The following TMEM217 variants were observed in gnomAD, a reference collection of about 807,000 sequenced individuals.
TMEM217 encodes transmembrane protein 217, also known as chromosome 6 open reading frame 128.
For missense variants in TMEM217, 204 were observed against 248.8 expected, an observed-to-expected ratio of 0.82 and a Z score of 1.21; for synonymous variants, 76 against 88.3, an observed-to-expected ratio of 0.86 and a Z score of 0.78.
At chr6:37,222,117 T>TA (rs1387800904) in intron 1 of TMEM217, among the ~76,000 whole-genome samples, 1 of 152,198 alleles carries the variant, frequency 6.6e-6, no homozygotes, top group Non-Finnish European at 1.5e-5. Flanking sequence ...AGCCCAGGTC[T>TA]TTTATGGACC....
At chr6:37,214,359 C>T (rs1431801690), downstream of TMEM217, among the ~76,000 whole-genome samples, 1 of 152,088 alleles carries the variant, frequency 6.6e-6, no homozygotes, top group Non-Finnish European at 1.5e-5. Flanking sequence ...TCCCAAGTAG[C>T]TGGGATTACA....
In TMEM217 at chr6:37,223,832, T is replaced by G. The variant is rs79290335; in HGVS notation, c.-11-4791A>C. Among the ~76,000 whole-genome samples the G allele has an allele frequency of 7.4e-3, 1,121 of 151,500 alleles. 14 individuals are homozygous for G. The highest frequency in any genetic ancestry group is 0.011 in the Non-Finnish European group (772 of 67,798). ...CCATTTTTCTTATTTATATATTTAT[T>G]TATAGAGATGGAGTCTTGCTGTGTT... On this transcript the variant is annotated intron_variant, in intron 1 of 1. Coordinates refer to ENST00000357219, the Ensembl canonical transcript of TMEM217.
At chr6:37,225,353 C>T (rs145826795) in intron 1 of TMEM217, among the ~76,000 whole-genome samples, 636 of 151,974 alleles carry the variant, frequency 4.2e-3, no homozygotes, top group African/African-American at 0.014. Context: ...ATGAGAGATT[C>T]ACAAGTGTTC....
At chr6:37,240,380 C>T (rs1043923311) in intron 1 of TMEM217, among the ~76,000 whole-genome samples, 1 of 152,206 alleles carries the variant, frequency 6.6e-6, no homozygotes, top group Non-Finnish European at 1.5e-5. Flanking sequence ...CAGGAAGCCA[C>T]AGTTCTTTCT....
exon 2 of TMEM217, chr6:37,218,987 G>A (rs1275383660): frequency 1.9e-6 from 3 of 1,614,028 alleles, no homozygotes; most frequent in Non-Finnish European, 2.5e-6. Flanking sequence ...TGACAACACG[G>A]TGCCCATTTT....
In TMEM217 at chr6:37,229,334, A is replaced by AGTTTTTT. The variant is rs1764038910; in HGVS notation, c.-11-10300_-11-10294dup. Reference sequence around the variant, plus strand: ...CTGACTCGTCTCCCTAGCAACTTTCAGTTTTTTTTTTTTTTTTTTTTTTTT... The same window carrying AGTTTTTT: ...CTGACTCGTCTCCCTAGCAACTTTCAGTTTTTTGTTTTTTTTTTTTTTTTTTTTTTTT... On this transcript the variant is annotated intron_variant, in intron 1 of 1. Transcript: ENST00000357219. 1.3e-4 allele frequency among the ~76,000 whole-genome samples: 4 copies of AGTTTTTT among 30,306 alleles called. 1 individual carries two copies. Among genetic ancestry groups the AGTTTTTT allele is most frequent in the African/African-American group, 3.1e-4 (2 of 6,396 alleles). The allele number at this position is 30,306 out of a possible 152,430, so 19.9% of individuals were successfully genotyped here. A position where few individuals can be genotyped will look rare whatever the true frequency, so the allele number is the denominator to read the frequency against.
At chr6:37,244,021 TG>T (rs749882114) in intron 1 of TMEM217, among the ~76,000 whole-genome samples, 2 of 152,226 alleles carry the variant, frequency 1.3e-5, no homozygotes, top group Non-Finnish European at 2.9e-5. Flanking sequence ...ACAGGGGAAC[TG>T]GGGAAGTTAC....
exon 2 of TMEM217, chr6:37,217,724 C>T: frequency 1.0e-6 from 1 of 985,368 alleles, no homozygotes; most frequent in African/African-American, 1.7e-5. Flanking sequence ...AAACCCACCC[C>T]AGGGCCAACA....
intron 1 of TMEM217, among the ~76,000 whole-genome samples, chr6:37,225,791 G>T (rs1763788971): frequency 6.6e-6 from 1 of 152,174 alleles, no homozygotes; most frequent in Non-Finnish European, 1.5e-5. Flanking sequence ...GATTTGTGTG[G>T]CCCCATGACC....
chr6:37,258,102 T>A, exon 1 of TMEM217: 4 of 1,059,382 alleles, frequency 3.8e-6, no homozygotes, highest in Non-Finnish European at 5.3e-6. Context: ...GACTGCCTGG[T>A]GGCGGCAGGG....
At chr6:37,219,116 T>A (rs955751478) in intron 1 of TMEM217, 75 bp from the exon 2 acceptor site, 2 of 1,307,274 alleles carry the variant, frequency 1.5e-6, no homozygotes, top group African/African-American at 3.0e-5. Context: ...TCTGCCTCCT[T>A]CCCCAAATCT....
At chr6:37,252,123 C>G (rs1765429619) in intron 1 of TMEM217, among the ~76,000 whole-genome samples, 1 of 152,198 alleles carries the variant, frequency 6.6e-6, no homozygotes, top group African/African-American at 2.4e-5. Flanking sequence ...GAACTCCTGA[C>G]CTCAGGTGAT....
intron 1 of TMEM217, among the ~76,000 whole-genome samples, chr6:37,243,882 G>T (rs568226901): frequency 4.7e-4 from 72 of 152,244 alleles, no homozygotes; most frequent in Admixed American, 1.1e-3. Flanking sequence ...GCCTCTGGAT[G>T]GGGGGGTGCA....
In TMEM217 at chr6:37,227,906, G is replaced by C. The variant is rs1763936985; in HGVS notation, c.-11-8865C>G. On this transcript the variant is annotated intron_variant, in intron 1 of 1. Coordinates refer to ENST00000357219, the Ensembl canonical transcript of TMEM217. Reference sequence around the variant, plus strand: ...ATATATATATAGGAAAAAGTTTTTAGGAAAAAAATGATCCAATACTGAGAT... The same window carrying C: ...ATATATATATAGGAAAAAGTTTTTACGAAAAAAATGATCCAATACTGAGAT... Among the ~76,000 whole-genome samples the C allele has an allele frequency of 2.6e-5, 4 of 151,636 alleles. No homozygotes were observed. The South Asian group carries it at 8.3e-4, about 32-fold the overall frequency.
At chr6:37,242,434 T>C (rs1764815347) in intron 1 of TMEM217, among the ~76,000 whole-genome samples, 1 of 152,226 alleles carries the variant, frequency 6.6e-6, no homozygotes, top group Non-Finnish European at 1.5e-5. Context: ...TTTCTTTGCC[T>C]TTAAGAGCCT....
intron 1 of TMEM217, among the ~76,000 whole-genome samples, chr6:37,243,754 A>G (rs952549382): frequency 2.0e-5 from 3 of 152,112 alleles, no homozygotes; most frequent in African/African-American, 4.8e-5. Context: ...ATGCACCACC[A>G]CACCTGGCTA....
At chr6:37,238,722 A>T (rs1390734139) in intron 1 of TMEM217, among the ~76,000 whole-genome samples, 3 of 152,264 alleles carry the variant, frequency 2.0e-5, no homozygotes, top group Non-Finnish European at 4.4e-5. Context: ...AAGCATGAAG[A>T]CAAAAACAAG....
chr6:37,233,374 A>C lies in TMEM217; in HGVS notation c.-11-14333T>G, dbSNP rs534844859. On this transcript the variant is annotated intron_variant, in intron 1 of 1. Transcript: ENST00000357219. ...CAACACCACAGACTGGGAAATTTAT[A>C]AACAACAGAAATTTATTTCTCAGTT... Among the ~76,000 whole-genome samples, 4 of 152,270 alleles carry C rather than the reference A, an allele frequency of 2.6e-5. No individual in the cohort carries two copies. In the East Asian group the frequency reaches 7.7e-4, roughly 29 times the overall value.
intron 1 of TMEM217, among the ~76,000 whole-genome samples, chr6:37,229,338 T>TTTTTG (rs1654666507): frequency 8.3e-6 from 1 of 121,092 alleles, no homozygotes; most frequent in South Asian, 3.0e-4. Flanking sequence ...ACTTTCAGTT[T>TTTTTG]TTTTTTTTTT....
Sources: allele counts gnomAD v4.1 joint callset (sites outside exome capture counted in the v4.1 genomes callset), GRCh38; gene constraint gnomAD v4.1.1; transcripts MANE v1.5; gene names NCBI Gene and HGNC (gene_info 2026-07-23, HGNC 2026-07-21).